The following SHISA9 variants were observed in gnomAD, a reference collection of about 807,000 sequenced individuals.
SHISA9 encodes protein shisa-9.
In SHISA9, 13 loss-of-function variants were observed where a neutral mutation model predicts 38.0. That is an observed-to-expected ratio of 0.34 (90% CI 0.22 to 0.54). The LOEUF (loss-of-function observed/expected upper bound fraction) is 0.54. Among genes scored for constraint, SHISA9 ranks in the 20% least tolerant of loss-of-function variants. SHISA9 has a pLI of 0.91. For synonymous variants in SHISA9, 275 were observed against 242.0 expected, an observed-to-expected ratio of 1.14 and a Z score of -1.27; for missense variants, 538 against 575.8, an observed-to-expected ratio of 0.93 and a Z score of 0.67.
chr16:13,363,624 T>G, the SHISA9 span, among the ~76,000 whole-genome samples: 1 of 152,106 alleles, frequency 6.6e-6, no homozygotes, highest in Non-Finnish European at 1.5e-5. Flanking sequence ...AATGGTTTGG[T>G]AGAACTGGAA....
At chr16:13,145,209 T>A (rs965281050) in intron 2 of SHISA9, among the ~76,000 whole-genome samples, 1 of 152,110 alleles carries the variant, frequency 6.6e-6, no homozygotes, top group Admixed American at 6.6e-5. Flanking sequence ...AGCCCTGCCC[T>A]CAAATCCCAA....
At chr16:13,030,891 G>A (rs1596598023) in intron 2 of SHISA9, among the ~76,000 whole-genome samples, 1 of 152,314 alleles carries the variant, frequency 6.6e-6, no homozygotes. Flanking sequence ...TCACTGACAG[G>A]GGAGTTCTAA....
chr16:13,221,576 A>G (rs1311916950), intron 4 of SHISA9, among the ~76,000 whole-genome samples: 1 of 152,156 alleles, frequency 6.6e-6, no homozygotes, highest in East Asian at 1.9e-4. Context: ...AAAATGTCCC[A>G]CAAATACAGT....
chr16:12,935,216 G>T (rs2071513466), intron 2 of SHISA9, among the ~76,000 whole-genome samples: 1 of 152,124 alleles, frequency 6.6e-6, no homozygotes. Context: ...GTAGGAAATG[G>T]ATCATGAGTA....
In SHISA9 at chr16:13,073,453, G is replaced by A. The variant is rs564132905; in HGVS notation, c.692-129941G>A. ...TTTGCCAAGGGCATTGATCTCCCAC[G>A]TGGGGTCCCTGGACTAGCATCATCA... On this transcript the variant is annotated intron_variant, in intron 2 of 4. Transcript: ENST00000558583. 2.6e-5 allele frequency among the ~76,000 whole-genome samples: 4 copies of A among 152,248 alleles called. No homozygotes were observed. In the East Asian group the frequency reaches 5.8e-4, roughly 22 times the overall value.
intron 2 of SHISA9, among the ~76,000 whole-genome samples, chr16:13,160,980 C>T (rs1382145157): frequency 6.6e-6 from 1 of 152,142 alleles, no homozygotes; most frequent in Non-Finnish European, 1.5e-5. Context: ...TTCTTCCTAG[C>T]CCCATTCCCC....
chr16:13,394,651 G>A, the SHISA9 span, among the ~76,000 whole-genome samples: 1 of 152,132 alleles, frequency 6.6e-6, no homozygotes, highest in Admixed American at 6.6e-5. Flanking sequence ...AGGCACAGTA[G>A]GAAACACTAA....
the SHISA9 span, among the ~76,000 whole-genome samples, chr16:13,479,701 T>C: frequency 2.0e-5 from 3 of 152,194 alleles, no homozygotes; most frequent in Non-Finnish European, 4.4e-5. Context: ...ATGCGATTAA[T>C]TGGAAAACAG....
the SHISA9 span, among the ~76,000 whole-genome samples, chr16:13,313,978 A>C: frequency 2.0e-5 from 3 of 152,178 alleles, no homozygotes; most frequent in African/African-American, 7.2e-5. Flanking sequence ...TAGGTATCAA[A>C]AAGGAAGGTT....
chr16:13,454,756 C>T, the SHISA9 span, among the ~76,000 whole-genome samples: 1 of 152,156 alleles, frequency 6.6e-6, no homozygotes, highest in East Asian at 1.9e-4. Context: ...GAAGGAGAAT[C>T]ATCTTTTCTA....
At chr16:13,147,647 G>C (rs146773042) in intron 2 of SHISA9, among the ~76,000 whole-genome samples, 1 of 151,970 alleles carries the variant, frequency 6.6e-6, no homozygotes, top group Non-Finnish European at 1.5e-5. Flanking sequence ...ATTTTTAGTA[G>C]AGACAGGGTT....
chr16:13,131,604 A>G (rs571199032), intron 2 of SHISA9, among the ~76,000 whole-genome samples: 3 of 152,014 alleles, frequency 2.0e-5, no homozygotes, highest in Admixed American at 6.6e-5. Flanking sequence ...CATCCTACAC[A>G]TGTACCCTAG....
chr16:13,492,864 G>A, the SHISA9 span, among the ~76,000 whole-genome samples: 1 of 152,154 alleles, frequency 6.6e-6, no homozygotes, highest in Non-Finnish European at 1.5e-5. Flanking sequence ...AGCATTGCAG[G>A]GTAAAGGAAT....
intron 2 of SHISA9, among the ~76,000 whole-genome samples, chr16:13,156,829 G>A (rs1421705000): frequency 2.6e-5 from 4 of 151,928 alleles, no homozygotes. Context: ...CAAACCCTAT[G>A]CACACTCCTA....
In SHISA9 at chr16:13,208,627, T is replaced by G. The variant is rs192227447; in HGVS notation, c.848-4626T>G. Among the ~76,000 whole-genome samples the G allele has an allele frequency of 1.3e-3, 198 of 152,096 alleles. 1 individual carries two copies. Among genetic ancestry groups the G allele is most frequent in the African/African-American group, 4.6e-3 (192 of 41,488 alleles). On this transcript the variant is annotated intron_variant, in intron 3 of 4. Transcript: ENST00000558583. Reference sequence around the variant, plus strand: ...GCAGAATGGTTTCTGTTCCCAAGGGTTTCACTGCCCAGCTCTTGGTAAAAT... The same window carrying G: ...GCAGAATGGTTTCTGTTCCCAAGGGGTTCACTGCCCAGCTCTTGGTAAAAT...
intron 2 of SHISA9, among the ~76,000 whole-genome samples, chr16:13,169,695 G>C (rs1027108193): frequency 8.5e-5 from 13 of 152,198 alleles, no homozygotes; most frequent in Non-Finnish European, 1.8e-4. Context: ...GCCTAGACCA[G>C]AAGTCAGAGA....
chr16:13,306,098 T>C, the SHISA9 span, among the ~76,000 whole-genome samples: 2 of 152,120 alleles, frequency 1.3e-5, no homozygotes, highest in South Asian at 4.1e-4. Flanking sequence ...GGCTTTGAAG[T>C]AGGAGTAGGA....
At chr16:13,186,161 T>C (rs552725600) in intron 2 of SHISA9, among the ~76,000 whole-genome samples, 5 of 152,126 alleles carry the variant, frequency 3.3e-5, no homozygotes, top group African/African-American at 1.2e-4. Flanking sequence ...ATGAATACAA[T>C]AATGCCTGGT....
chr16:13,128,330 A>G (rs888083868), intron 2 of SHISA9, among the ~76,000 whole-genome samples: 7 of 152,116 alleles, frequency 4.6e-5, no homozygotes, highest in South Asian at 2.1e-4. Context: ...CGCCCTTCTA[A>G]CAAACCTATC....
Sources: gnomAD v4.1 joint callset for allele counts (sites outside exome capture counted in the v4.1 genomes callset) on GRCh38, gnomAD v4.1.1 for gene constraint, MANE v1.5 for transcripts, NCBI Gene and HGNC (gene_info 2026-07-23, HGNC 2026-07-21) for gene names.